The following BLNK variants were observed in gnomAD, a reference collection of about 807,000 sequenced individuals.
BLNK encodes the protein B-cell linker protein.
Under a neutral mutation model 73.5 loss-of-function variants are expected in BLNK, and 29 were observed. That is an observed-to-expected ratio of 0.39 (90% CI 0.29 to 0.54). The LOEUF is 0.54. BLNK is among the 20% of genes least tolerant of loss of function. The pLI is 0.61. For synonymous variants in BLNK, 176 were observed against 200.8 expected, an observed-to-expected ratio of 0.88 and a Z score of 1.04; for missense variants, 460 against 562.8, an observed-to-expected ratio of 0.82 and a Z score of 1.85.
intron 1 of BLNK, among the ~76,000 whole-genome samples, chr10:96,268,857 G>A (rs1589354857): frequency 6.6e-6 from 1 of 152,074 alleles, no homozygotes; most frequent in Non-Finnish European, 1.5e-5. Context: ...AAGAATTTGA[G>A]CAAATTCTCA....
chr10:96,266,339 G>C (rs1157341746), intron 1 of BLNK, among the ~76,000 whole-genome samples: 3 of 152,200 alleles, frequency 2.0e-5, no homozygotes, highest in African/African-American at 7.2e-5. Context: ...AGTCCATTTG[G>C]AAACATGTTG....
intron 11 of BLNK, 39 bp from the exon 12 acceptor site, chr10:96,204,655 A>G: frequency 6.2e-7 from 1 of 1,601,330 alleles, no homozygotes; most frequent in Non-Finnish European, 8.6e-7. Context: ...TTAGAGTGAA[A>G]TGTCTGTCCT....
chr10:96,203,000 T>C (rs1227341794), intron 13 of BLNK, among the ~76,000 whole-genome samples: 1 of 152,208 alleles, frequency 6.6e-6, no homozygotes, highest in African/African-American at 2.4e-5. Context: ...CTGCGCTGTA[T>C]TTTTCTTTAT....
At chr10:96,237,588 G>C (rs1005490207) in intron 3 of BLNK, among the ~76,000 whole-genome samples, 8 of 152,092 alleles carry the variant, frequency 5.3e-5, no homozygotes, top group Admixed American at 6.5e-5. Flanking sequence ...GCAGACTCTC[G>C]GGCACCATGA....
At chr10:96,222,773 T>C (rs1403554668) in intron 6 of BLNK, among the ~76,000 whole-genome samples, 1 of 152,014 alleles carries the variant, frequency 6.6e-6, no homozygotes, top group African/African-American at 2.4e-5. Flanking sequence ...CCTCTGCATC[T>C]GAGAAGAGGG....
intron 1 of BLNK, among the ~76,000 whole-genome samples, chr10:96,253,941 G>A (rs1009995122): frequency 4.6e-5 from 7 of 151,794 alleles, no homozygotes; most frequent in East Asian, 3.9e-4. Flanking sequence ...GAATGGCATG[G>A]ACCCAGGAGG....
chr10:96,263,727 T>C (rs1201307787), intron 1 of BLNK, among the ~76,000 whole-genome samples: 1 of 151,806 alleles, frequency 6.6e-6, no homozygotes, highest in Non-Finnish European at 1.5e-5. Context: ...AGGAAGGAGG[T>C]GAAGTCAGAC....
chr10:96,254,637 A>G (rs1554910501), intron 1 of BLNK, among the ~76,000 whole-genome samples: 3 of 152,024 alleles, frequency 2.0e-5, no homozygotes, highest in Non-Finnish European at 4.4e-5. Context: ...CAGCCTCCCG[A>G]GTAGCTGGGA....
intron 13 of BLNK, among the ~76,000 whole-genome samples, chr10:96,202,415 A>G (rs781906670): frequency 2.0e-5 from 3 of 152,318 alleles, no homozygotes; most frequent in African/African-American, 7.2e-5. Context: ...TTCTGGATCT[A>G]TTTTGAAGGA....
chr10:96,257,394 C>T (rs536942426), intron 1 of BLNK, among the ~76,000 whole-genome samples: 16 of 152,268 alleles, frequency 1.1e-4, no homozygotes, highest in African/African-American at 2.9e-4. Flanking sequence ...GCCCAAGCCT[C>T]GAGCTCGTGA....
In BLNK at chr10:96,246,865, G is replaced by C. The variant is rs541972644; in HGVS notation, c.113+119C>G. 3.5e-5 allele frequency: 25 copies of C among 706,324 alleles called. No homozygotes were observed. The South Asian group carries it at 4.1e-4, about 12-fold the overall frequency. The allele number at this position is 706,324 out of a possible 1,614,324, so 43.8% of individuals were successfully genotyped here. ...TGGATTCCAGCCAATAGTAAAGAAG[G>C]GTTACGTGCTAAAGAGGTAGAAACT... On this transcript the variant is annotated intron_variant, in intron 2 of 16. Transcript: ENST00000224337.
chr10:96,253,915 G>A (rs1843397376), intron 1 of BLNK, among the ~76,000 whole-genome samples: 1 of 152,048 alleles, frequency 6.6e-6, no homozygotes, highest in African/African-American at 2.4e-5. Flanking sequence ...CAGCTACTCG[G>A]GAGGCTGAGA....
chr10:96,233,442 C>T (rs1350973335), intron 3 of BLNK, among the ~76,000 whole-genome samples: 1 of 152,182 alleles, frequency 6.6e-6, no homozygotes, highest in African/African-American at 2.4e-5. Context: ...ATCAGTGACT[C>T]CCTATGGAAT....
intron 1 of BLNK, among the ~76,000 whole-genome samples, chr10:96,270,587 A>G (rs1300415225): frequency 1.3e-5 from 2 of 151,680 alleles, no homozygotes; most frequent in Admixed American, 1.3e-4. Flanking sequence ...CCTTCTGCAC[A>G]TGTACCCCAG....
At chr10:96,249,802 C>A (rs576324876) in intron 1 of BLNK, among the ~76,000 whole-genome samples, 1 of 152,278 alleles carries the variant, frequency 6.6e-6, no homozygotes, top group East Asian at 1.9e-4. Context: ...CCACATAATC[C>A]CTCTCTGCTG....
rs764076959 is a variant in BLNK at position 96,191,821 on chromosome 10, G to C, written c.*152C>G. The C allele has an allele frequency of 2.1e-5, 22 of 1,027,288 alleles. No homozygotes were observed. Among genetic ancestry groups the C allele is most frequent in the Middle Eastern group, 2.6e-4 (1 of 3,880 alleles). 63.6% of individuals were successfully genotyped at this position (1,027,288 alleles called of 1,614,324 possible). On this transcript the variant is annotated 3_prime_UTR_variant, in exon 17 of 17. Coordinates refer to ENST00000224337, the MANE Select transcript of BLNK (RefSeq NM_013314.4). ...CAAGTCCACATGAGCTTCTTAAAAA[G>C]AAATGGATGACCACTTCAATAGCTG...
chr10:96,244,772 G>A (rs1842989064), intron 2 of BLNK, among the ~76,000 whole-genome samples: 1 of 152,190 alleles, frequency 6.6e-6, no homozygotes, highest in Non-Finnish European at 1.5e-5. Context: ...CAGAATGTAT[G>A]AAACAGAGGC....
chr10:96,211,082 T>G (rs73322906), intron 8 of BLNK, among the ~76,000 whole-genome samples: 7,199 of 152,044 alleles, frequency 0.047, 402 homozygotes, highest in African/African-American at 0.13. Flanking sequence ...CAGGCTGGCC[T>G]TGAACTCCTG....
intron 3 of BLNK, among the ~76,000 whole-genome samples, chr10:96,238,115 T>C (rs1173861864): frequency 1.3e-5 from 2 of 152,254 alleles, no homozygotes; most frequent in Non-Finnish European, 2.9e-5. Context: ...CTGGGATTGC[T>C]GGGTCTGAAC....
Sources: gnomAD v4.1 joint callset for allele counts (sites outside exome capture counted in the v4.1 genomes callset) on GRCh38, gnomAD v4.1.1 for gene constraint, MANE v1.5 for transcripts, NCBI Gene and HGNC (gene_info 2026-07-23, HGNC 2026-07-21) for gene names.